The following RFX4 variants were observed in gnomAD, a reference collection of about 807,000 sequenced individuals.
RFX4 encodes the protein regulatory factor X4, also known as transcription factor RFX4.
Under a neutral mutation model 95.0 loss-of-function variants are expected in RFX4, and 10 were observed. That is an observed-to-expected ratio of 0.11 (90% confidence interval 0.06 to 0.18). RFX4 has a LOEUF of 0.18. Among genes scored for constraint, RFX4 ranks in the 10% least tolerant of loss-of-function variants. The pLI, the probability that RFX4 is intolerant of heterozygous loss-of-function variation, is 1.00. For missense variants in RFX4, 640 were observed against 922.0 expected (o/e 0.69, Z 3.96); for synonymous variants, 321 against 340.7 (o/e 0.94, Z 0.64).
At chr12:106,748,971 G>A (rs908486101) in intron 16 of RFX4, among the ~76,000 whole-genome samples, 2 of 151,944 alleles carry the variant, frequency 1.3e-5, no homozygotes, top group Non-Finnish European at 2.9e-5. Context: ...TGTAGTCCCA[G>A]CTACTCGTGA....
At chr12:106,746,300 G>T (rs1049772746) in intron 15 of RFX4, among the ~76,000 whole-genome samples, 1 of 149,882 alleles carries the variant, frequency 6.7e-6, no homozygotes, top group East Asian at 2.0e-4. Flanking sequence ...AGGTTGCAGT[G>T]AGCTGAGATT....
At chr12:106,700,276 C>T (rs1055642232) in intron 8 of RFX4, among the ~76,000 whole-genome samples, 3 of 152,138 alleles carry the variant, frequency 2.0e-5, no homozygotes, top group African/African-American at 4.8e-5. Flanking sequence ...AAGGAATCCT[C>T]CTGCCTCAGT....
intron 8 of RFX4, among the ~76,000 whole-genome samples, chr12:106,705,973 T>C (rs117020391): frequency 0.013 from 1,950 of 152,320 alleles, 19 homozygotes; most frequent in Non-Finnish European, 0.022. Flanking sequence ...ATCACACAAG[T>C]TGACGTAACA....
chr12:106,603,353 CA>C (rs1341946295), intron 1 of RFX4, among the ~76,000 whole-genome samples: 1 of 152,218 alleles, frequency 6.6e-6, no homozygotes, highest in Non-Finnish European at 1.5e-5. Context: ...TGGCTCTGCT[CA>C]ACCTCATTAT....
chr12:106,647,932 A>G (rs570998715), intron 3 of RFX4, among the ~76,000 whole-genome samples: 97 of 152,094 alleles, frequency 6.4e-4, no homozygotes, highest in Non-Finnish European at 1.2e-3. Context: ...GCAGGATTCA[A>G]AGTCAGTGAT....
rs530822097 is a variant in RFX4, at chr12:106,586,256, C to G, written c.43+2893C>G. Reference sequence around the variant, plus strand: ...AGTAAGCGCAGGCGCGCGTCCCGCTCGGCCCGCGCTACAGCCCCACGCCGC... The same window carrying G: ...AGTAAGCGCAGGCGCGCGTCCCGCTGGGCCCGCGCTACAGCCCCACGCCGC... On this transcript the variant is annotated intron_variant, in intron 1 of 17. Coordinates refer to ENST00000392842, the MANE Select transcript of RFX4 (RefSeq NM_213594.3). The surrounding 1 kb of genome is among the most constrained non-coding windows in gnomAD (Gnocchi z 5.6). Among the ~76,000 whole-genome samples, 6 of 152,200 alleles carry G rather than the reference C, an allele frequency of 3.9e-5. No individual in the cohort carries two copies. The East Asian group carries it at 1.2e-3, about 30-fold the overall frequency.
intron 1 of RFX4, among the ~76,000 whole-genome samples, chr12:106,594,272 T>G (rs956098278): frequency 2.0e-5 from 3 of 152,140 alleles, no homozygotes; most frequent in Admixed American, 6.5e-5. Context: ...GTTAAAACAT[T>G]AAAACTTTTA....
At chr12:106,726,758 A>T (rs1822907670) in intron 13 of RFX4, among the ~76,000 whole-genome samples, 1 of 152,158 alleles carries the variant, frequency 6.6e-6, no homozygotes, top group Non-Finnish European at 1.5e-5. Context: ...GCAGAGGAAA[A>T]GAAAATTATG....
At chr12:106,702,989 T>C (rs1211339361) in intron 8 of RFX4, among the ~76,000 whole-genome samples, 1 of 152,274 alleles carries the variant, frequency 6.6e-6, no homozygotes, top group African/African-American at 2.4e-5. Flanking sequence ...TGCAAATAGA[T>C]GTGAACTTCT....
In RFX4 at chr12:106,663,344, C is replaced by A. The variant is rs553950734; in HGVS notation, c.315+8993C>A. On this transcript the variant is annotated intron_variant, in intron 4 of 17. Transcript: ENST00000392842. ...AACATAAATAGTATTGTGTTTTCAA[C>A]GTCAAATACCACTTGTTTATTACTG... Among the ~76,000 whole-genome samples the A allele has an allele frequency of 5.9e-5, 9 of 152,058 alleles. No individual in the cohort carries two copies. The South Asian group carries it at 1.9e-3, about 31-fold the overall frequency.
chr12:106,712,768 G>A (rs10431462), intron 10 of RFX4, among the ~76,000 whole-genome samples: 56,710 of 151,860 alleles, frequency 0.37, 10,680 homozygotes, highest in African/African-American at 0.42. Context: ...CAGGAAAGAA[G>A]GTGAATATTG....
chr12:106,623,148 C>T (rs2040219342), intron 2 of RFX4, among the ~76,000 whole-genome samples: 1 of 150,864 alleles, frequency 6.6e-6, no homozygotes, highest in African/African-American at 2.4e-5. Context: ...ACACCATTCT[C>T]CTGCCTCAGC....
intron 13 of RFX4, among the ~76,000 whole-genome samples, chr12:106,727,678 G>A (rs1292219688): frequency 6.6e-6 from 1 of 151,574 alleles, no homozygotes; most frequent in African/African-American, 2.4e-5. Context: ...GGAGTGCAAT[G>A]GCACGACCTC....
chr12:106,676,710 G>A (rs1384485202), intron 4 of RFX4, among the ~76,000 whole-genome samples: 2 of 152,164 alleles, frequency 1.3e-5, no homozygotes, highest in Non-Finnish European at 2.9e-5. Context: ...CTCAGATCCT[G>A]TTCATAGCAG....
intron 4 of RFX4, among the ~76,000 whole-genome samples, chr12:106,659,025 C>G (rs1001853776): frequency 6.6e-6 from 1 of 152,210 alleles, no homozygotes; most frequent in African/African-American, 2.4e-5. Context: ...TGCTTTGTTC[C>G]AAGTTTGTCT....
In RFX4 at chr12:106,720,140, G is replaced by C; in HGVS notation, c.1233+86G>C. Reference sequence around the variant, plus strand: ...GAACTTGGCCAAGACAAAGCCCTATGGTAAGCTATCTGAACAGGGTTTTGA... The same window carrying C: ...GAACTTGGCCAAGACAAAGCCCTATCGTAAGCTATCTGAACAGGGTTTTGA... On this transcript the variant is annotated intron_variant, in intron 12 of 17. Transcript: ENST00000392842. The surrounding 1 kb of genome is among the most constrained non-coding windows in gnomAD (Gnocchi z 4.2). 8.6e-7 allele frequency: 1 copy of C among 1,160,996 alleles called. No homozygotes were observed. Among genetic ancestry groups the C allele is most frequent in the Non-Finnish European group, 1.3e-6 (1 of 773,344 alleles). 71.9% of individuals were successfully genotyped at this position (1,160,996 alleles called of 1,614,324 possible).
chr12:106,747,338 T>C, intron 15 of RFX4, 99 bp from the exon 16 acceptor site: 1 of 1,295,484 alleles, frequency 7.7e-7, no homozygotes, highest in Non-Finnish European at 1.1e-6. Flanking sequence ...ATAAAGATTT[T>C]GGCCTTCAAC....
At chr12:106,673,237 A>G (rs1480521028) in intron 4 of RFX4, among the ~76,000 whole-genome samples, 1 of 152,220 alleles carries the variant, frequency 6.6e-6, no homozygotes, top group Non-Finnish European at 1.5e-5. Context: ...ACGAGTCACT[A>G]GAGAGGCAGA....
intron 2 of RFX4, among the ~76,000 whole-genome samples, chr12:106,634,250 C>A (rs1205857621): frequency 6.6e-6 from 1 of 152,150 alleles, no homozygotes; most frequent in Non-Finnish European, 1.5e-5. Flanking sequence ...GCTCAAGTGC[C>A]GTCTCCTATA....
Sources: allele counts gnomAD v4.1 joint callset (sites outside exome capture counted in the v4.1 genomes callset), GRCh38; gene constraint gnomAD v4.1.1; non-coding constraint Gnocchi (gnomAD v3.1); transcripts MANE v1.5; gene names NCBI Gene and HGNC (gene_info 2026-07-23, HGNC 2026-07-21).